LRP1B: variants seen among roughly 807,000 people sequenced by gnomAD.
The protein encoded by LRP1B is LDL receptor related protein 1B.
LRP1B carries 217 observed loss-of-function variants against 556.6 expected under a neutral mutation model. The observed-to-expected ratio is 0.39, with a 90% CI of 0.35 to 0.44. LRP1B has a LOEUF of 0.44. Ranked by LOEUF, LRP1B falls within the 20% of genes least tolerant of loss-of-function variation. The pLI, the probability that LRP1B is intolerant of heterozygous loss-of-function variation, is 1.00. For missense variants in LRP1B, 5,053 were observed against 5,620.8 expected, an observed-to-expected ratio of 0.90 and a Z score of 3.23; for synonymous variants, 2,047 against 1,865.8, an observed-to-expected ratio of 1.10 and a Z score of -2.50.
At chr2:141,041,599 A>T (rs1229981322) in intron 11 of LRP1B, among the ~76,000 whole-genome samples, 1 of 152,082 alleles carries the variant, frequency 6.6e-6, no homozygotes, top group African/African-American at 2.4e-5. Flanking sequence ...ATAATTTCCT[A>T]TCTCAAGATC....
intron 1 of LRP1B, among the ~76,000 whole-genome samples, chr2:142,004,008 A>G (rs1702733563): frequency 6.6e-6 from 1 of 152,206 alleles, no homozygotes; most frequent in Non-Finnish European, 1.5e-5. Flanking sequence ...TGCAGAGGGA[A>G]TAACACACTT....
chr2:141,287,631 ATTG>A (rs1049478663), intron 3 of LRP1B, among the ~76,000 whole-genome samples: 61 of 152,272 alleles, frequency 4.0e-4, no homozygotes, highest in African/African-American at 4.1e-4. Context: ...ACCATTTAGA[ATTG>A]TTGTTTAATT....
chr2:140,579,026 A>G (rs1312177115), intron 43 of LRP1B, among the ~76,000 whole-genome samples: 1 of 152,086 alleles, frequency 6.6e-6, no homozygotes, highest in Non-Finnish European at 1.5e-5. Flanking sequence ...GACAAGGGGA[A>G]CGAGGAGACG....
At chr2:140,411,564 C>T (rs1337328909) in intron 66 of LRP1B, among the ~76,000 whole-genome samples, 2 of 151,962 alleles carry the variant, frequency 1.3e-5, no homozygotes, top group East Asian at 3.9e-4. Flanking sequence ...CCACAGAGAC[C>T]TTATGTGACA....
intron 1 of LRP1B, among the ~76,000 whole-genome samples, chr2:141,933,235 A>C (rs1700551430): frequency 6.6e-6 from 1 of 152,050 alleles, no homozygotes; most frequent in Non-Finnish European, 1.5e-5. Flanking sequence ...AGTTTTAAGA[A>C]AAAAAAATTG....
chr2:141,789,235 T>A (rs577695721), intron 2 of LRP1B, among the ~76,000 whole-genome samples: 32 of 152,082 alleles, frequency 2.1e-4, no homozygotes, highest in African/African-American at 7.2e-4. Flanking sequence ...GAGGGGGGTG[T>A]CCAGTTTTCT....
chr2:141,498,226 C>T (rs1574015245), intron 2 of LRP1B, among the ~76,000 whole-genome samples: 1 of 150,552 alleles, frequency 6.6e-6, no homozygotes, highest in East Asian at 2.0e-4. Context: ...TTAAACAAAA[C>T]CAAACAAACA....
At chr2:141,653,223 G>T (rs895788924) in intron 2 of LRP1B, among the ~76,000 whole-genome samples, 1 of 152,144 alleles carries the variant, frequency 6.6e-6, no homozygotes, top group African/African-American at 2.4e-5. Flanking sequence ...GGACATGGCT[G>T]CTGATTTTTC....
At position 141,660,197 on chromosome 2, in the gene LRP1B, G is replaced by T. The variant is rs576703582; in HGVS notation, c.205+150082C>A. Among the ~76,000 whole-genome samples, 9 of 152,202 alleles carry T rather than the reference G, an allele frequency of 5.9e-5. No individual in the cohort carries two copies. The East Asian group carries it at 1.8e-3, about 30-fold the overall frequency. On this transcript the variant is annotated intron_variant, in intron 2 of 90. Coordinates refer to ENST00000389484, the MANE Select transcript of LRP1B (RefSeq NM_018557.3). ...ACAGAGAGTGAGGAAAAGCAGGGTG[G>T]AGCGACAGCCCACCTGGGAGCCGGA...
At chr2:141,436,800 G>T (rs542924409) in intron 3 of LRP1B, among the ~76,000 whole-genome samples, 2 of 152,240 alleles carry the variant, frequency 1.3e-5, no homozygotes, top group South Asian at 4.1e-4. Flanking sequence ...TGGGAGGGAA[G>T]TAAACCATTT....
At chr2:140,819,744 A>G (rs865959125) in intron 31 of LRP1B, among the ~76,000 whole-genome samples, 1 of 152,226 alleles carries the variant, frequency 6.6e-6, no homozygotes, top group South Asian at 2.1e-4. Context: ...AATAGGATAC[A>G]CTATATGTCT....
intron 11 of LRP1B, among the ~76,000 whole-genome samples, chr2:141,042,839 T>C (rs183502754): frequency 6.6e-6 from 1 of 152,080 alleles, no homozygotes; most frequent in East Asian, 1.9e-4. Flanking sequence ...GGACATAATG[T>C]TCTGCCAAAC....
chr2:140,734,083 A>T (rs192383284), intron 35 of LRP1B, among the ~76,000 whole-genome samples: 6 of 152,192 alleles, frequency 3.9e-5, no homozygotes, highest in African/African-American at 9.6e-5. Flanking sequence ...TGAAAATCCA[A>T]TGGGGCAGAT....
intron 41 of LRP1B, among the ~76,000 whole-genome samples, chr2:140,623,488 A>G (rs1683531394): frequency 1.3e-5 from 2 of 152,182 alleles, no homozygotes; most frequent in South Asian, 4.1e-4. Context: ...TCAAAGTAAC[A>G]ATATATCTAG....
At chr2:141,037,069 C>T (rs781217890) in intron 11 of LRP1B, among the ~76,000 whole-genome samples, 2 of 151,932 alleles carry the variant, frequency 1.3e-5, no homozygotes, top group Non-Finnish European at 2.9e-5. Flanking sequence ...AGTAACAGGT[C>T]ACAGCATTCT....
intron 84 of LRP1B, among the ~76,000 whole-genome samples, chr2:140,281,364 T>G (rs1430061263): frequency 2.0e-5 from 3 of 151,852 alleles, no homozygotes; most frequent in African/African-American, 7.2e-5. Flanking sequence ...TATTTGCAAC[T>G]GGGCTATTCA....
intron 35 of LRP1B, among the ~76,000 whole-genome samples, chr2:140,731,957 G>C (rs1687794866): frequency 6.6e-6 from 1 of 151,764 alleles, no homozygotes; most frequent in Non-Finnish European, 1.5e-5. Context: ...TAAACTCAAG[G>C]GTCAAAGCAA....
At chr2:141,157,821 A>G (rs1390856023) in intron 7 of LRP1B, among the ~76,000 whole-genome samples, 1 of 152,196 alleles carries the variant, frequency 6.6e-6, no homozygotes, top group African/African-American at 2.4e-5. Flanking sequence ...GTTAACAAAA[A>G]TCACTAAGCT....
intron 41 of LRP1B, among the ~76,000 whole-genome samples, chr2:140,678,267 C>T (rs72979887): frequency 0.046 from 7,062 of 152,154 alleles, 193 homozygotes; most frequent in African/African-American, 0.068. Flanking sequence ...AAGGAAATTA[C>T]GGGATTATAT....
Sources: allele counts gnomAD v4.1 joint callset (sites outside exome capture counted in the v4.1 genomes callset), GRCh38; gene constraint gnomAD v4.1.1; transcripts MANE v1.5; gene names NCBI Gene and HGNC (gene_info 2026-07-23, HGNC 2026-07-21).